The following SLK variants were observed in gnomAD, a reference collection of about 807,000 sequenced individuals.
The protein encoded by SLK is STE20-like serine/threonine-protein kinase.
A neutral mutation model predicts 147.7 loss-of-function variants in SLK; 67 were observed. The ratio of observed to expected loss-of-function variants is 0.45; its 90% CI spans 0.37 to 0.56. The LOEUF (loss-of-function observed/expected upper bound fraction) is 0.56. Ranked by LOEUF, SLK falls within the 20% of genes least tolerant of loss-of-function variation. SLK has a pLI of 0.00. For synonymous variants in SLK, 441 were observed against 475.0 expected (o/e 0.93, Z 0.93); for missense variants, 1,136 against 1,438.8 (o/e 0.79, Z 3.41).
rs751833332 is a variant in SLK, at chr10:104,006,128, C to G, written c.2604+93C>G. 4.6e-6 allele frequency: 6 copies of G among 1,316,866 alleles called. No individual in the cohort carries two copies. In the South Asian group the frequency reaches 5.5e-5, roughly 12 times the overall value. 81.6% of individuals were successfully genotyped at this position (1,316,866 alleles called of 1,614,324 possible). On this transcript the variant is annotated intron_variant, in intron 11 of 18. Transcript: ENST00000369755. ...CAGACAAACAAAAAAGGTTGTAGAA[C>G]TTGTTCTCTGATTGCCAGATTTCTC...
intron 15 of SLK, 152 bp from the exon 16 acceptor site, chr10:104,019,582 C>A: frequency 1.5e-6 from 1 of 673,712 alleles, no homozygotes; most frequent in Non-Finnish European, 2.6e-6. Context: ...TAACTTCTTA[C>A]AAGTTATTTT....
At chr10:104,001,227 T>C (rs1461150995) in intron 7 of SLK, among the ~76,000 whole-genome samples, 1 of 152,182 alleles carries the variant, frequency 6.6e-6, no homozygotes, top group African/African-American at 2.4e-5. Flanking sequence ...TGCTTCAGAT[T>C]CTTAAAAATG....
chr10:104,015,057 T>G (rs149244192), intron 13 of SLK, among the ~76,000 whole-genome samples: 314 of 152,312 alleles, frequency 2.1e-3, no homozygotes, highest in African/African-American at 7.2e-3. Flanking sequence ...AACATTAACA[T>G]TTTGTTTGTT....
At chr10:104,001,419 G>T in intron 7 of SLK, 25 bp from the exon 8 acceptor site, 1 of 1,596,904 alleles carries the variant, frequency 6.3e-7, no homozygotes, top group Non-Finnish European at 8.6e-7. Flanking sequence ...CAGTTGTTGA[G>T]TATGTTCTTT....
At chr10:103,981,268 T>A (rs1843938836) in intron 1 of SLK, among the ~76,000 whole-genome samples, 1 of 152,140 alleles carries the variant, frequency 6.6e-6, no homozygotes, top group African/African-American at 2.4e-5. Flanking sequence ...GATACATGAT[T>A]TGTAAATATT....
chr10:104,020,740 G>C, intron 17 of SLK, 127 bp downstream of exon 17: 1 of 978,636 alleles, frequency 1.0e-6, no homozygotes, highest in South Asian at 1.7e-5. Flanking sequence ...GAGAGGTTCT[G>C]TTTTTTGTAC....
rs756247880 is a variant in SLK, at chr10:104,003,212, G to A, written c.2034G>A (p.Gln678=). 1.9e-6 allele frequency: 3 copies of A among 1,612,554 alleles called. No homozygotes were observed. Among genetic ancestry groups the A allele is most frequent in the Non-Finnish European group, 2.5e-6 (3 of 1,179,574 alleles). The change falls in exon 9 of 19, where the codon CAG becomes CAA. Residue 678 remains glutamine (Q), a synonymous_variant. Coordinates refer to ENST00000369755, the MANE Select transcript of SLK (RefSeq NM_014720.4). The stretch of plus-strand genomic sequence containing the variant: ...AGGATGCTTCTAAAGTCACTACTCA[G>A]ATAGATAAAGAGAAAAAAGAAATTC... The part of the protein sequence containing the change: ...EVQDASKVTT[Q]IDKEKKEIPV...
intron 4 of SLK, among the ~76,000 whole-genome samples, chr10:103,997,777 T>C (rs1367254181): frequency 6.6e-6 from 1 of 152,134 alleles, no homozygotes; most frequent in Non-Finnish European, 1.5e-5. Context: ...GGCTCTTTTA[T>C]GTTTTTCATC....
chr10:104,025,095 C>T (rs1251956417), intron 18 of SLK, among the ~76,000 whole-genome samples: 2 of 152,156 alleles, frequency 1.3e-5, no homozygotes, highest in East Asian at 3.9e-4. Context: ...AAAAATGATT[C>T]TGATTTAAGT....
rs1408222970 is a variant in SLK, at chr10:104,001,522, G to C, written c.943G>C (p.Val315Leu). Residue 315 changes from valine to leucine, a missense_variant, in exon 8 of 19, where the codon GTT (valine) becomes CTT (leucine). Physicochemically the swap from Val to Leu is conservative, Grantham distance 32 (BLOSUM62 1). Coordinates refer to ENST00000369755, the MANE Select transcript of SLK (RefSeq NM_014720.4). Reference sequence around the variant, plus strand: ...GGCGAAGGCTGAAGTAACAGAAGAAGTTGAAGATGGCAAAGAGGAAGATGA... The same window carrying C: ...GGCGAAGGCTGAAGTAACAGAAGAACTTGAAGATGGCAAAGAGGAAGATGA... ...AEAKAEVTEE[V>L]EDGKEEDEEE... 1.9e-6 allele frequency: 3 copies of C among 1,613,988 alleles called. No homozygotes were observed. Among genetic ancestry groups the C allele is most frequent in the Non-Finnish European group, 8.5e-7 (1 of 1,179,908 alleles).
intron 11 of SLK, among the ~76,000 whole-genome samples, chr10:104,007,768 C>CAAATAAATAAAT (rs58270517): frequency 0.15 from 22,510 of 147,222 alleles, 1,876 homozygotes; most frequent in African/African-American, 0.18. Context: ...CCTATCTCTC[C>CAAATAAATAAAT]AAATAAATAA....
At chr10:104,018,097 A>G in intron 13 of SLK, 63 bp from the exon 14 acceptor site, 2 of 1,338,366 alleles carry the variant, frequency 1.5e-6, no homozygotes, top group South Asian at 1.3e-5. Context: ...ATACAGCCAT[A>G]TAGATAAATG....
At chr10:103,982,252 C>G (rs1843955781) in intron 1 of SLK, among the ~76,000 whole-genome samples, 1 of 152,120 alleles carries the variant, frequency 6.6e-6, no homozygotes, top group South Asian at 2.1e-4. Flanking sequence ...ATTTCCTCAG[C>G]TTCTTTATTA....
chr10:103,974,337 C>T (rs563175555), intron 1 of SLK, among the ~76,000 whole-genome samples: 3 of 151,822 alleles, frequency 2.0e-5, no homozygotes, highest in South Asian at 2.1e-4. Context: ...CTTGGCCGGG[C>T]GCGGTGGCTC....
At chr10:104,016,066 C>T (rs1844459103) in intron 13 of SLK, among the ~76,000 whole-genome samples, 1 of 152,096 alleles carries the variant, frequency 6.6e-6, no homozygotes, top group South Asian at 2.1e-4. Context: ...CGCTTGTAAT[C>T]CCAGCACTTT....
chr10:104,007,324 G>T (rs532595761), intron 11 of SLK, among the ~76,000 whole-genome samples: 1 of 152,022 alleles, frequency 6.6e-6, no homozygotes. Context: ...ACAAATTTTG[G>T]GTCGGGCGCA....
At position 104,002,720 on chromosome 10, in the gene SLK, G is replaced by C. The variant is rs754179738; in HGVS notation, c.1542G>C (p.Gln514His). The stretch of plus-strand genomic sequence containing the variant: ...CTGGAGAAAAAGAGGCAAATATTCA[G>C]GCAGTTGATAGTGAAGTTGGGCTTA... Reference protein sequence around the residue: ...QETGEKEANIQAVDSEVGLTK... With the variant: ...QETGEKEANIHAVDSEVGLTK... Residue 514 changes from glutamine (Q) to histidine (H), a missense_variant, in exon 9 of 19, where the codon CAG becomes CAC. Physicochemically the swap from Gln to His is conservative, Grantham distance 24. Coordinates refer to ENST00000369755, the MANE Select transcript of SLK (RefSeq NM_014720.4). 2 of 1,613,368 alleles carry C rather than the reference G, an allele frequency of 1.2e-6. No homozygotes were observed. Among genetic ancestry groups the C allele is most frequent in the South Asian group, 1.1e-5 (1 of 91,040 alleles).
At chr10:103,991,844 C>T (rs2476951) in intron 2 of SLK, among the ~76,000 whole-genome samples, 34,451 of 151,710 alleles carry the variant, frequency 0.23, 4,522 homozygotes, top group African/African-American at 0.36. Flanking sequence ...TCAGGGCTGT[C>T]GCAGAATGTT....
Position 104,026,370 on chromosome 10 carries a change from C to T in SLK, c.*650C>T, listed in dbSNP as rs919244118. The T allele has an allele frequency of 6.6e-6, 1 of 152,472 alleles. No individual in the cohort carries two copies. The allele number at this position is 152,472 out of a possible 1,614,324, so 9.4% of individuals were successfully genotyped here. A position where few individuals can be genotyped will look rare whatever the true frequency, so the allele number is the denominator to read the frequency against. On this transcript the variant is annotated 3_prime_UTR_variant, in exon 19 of 19. Transcript: ENST00000369755. ...CTAAAACACTAAATTTCAGTCAAGT[C>T]GTAAGTAGGATTTTCTTTTTGATCA... is the stretch of plus-strand genomic sequence containing the variant.
Sources: gnomAD v4.1 joint callset for allele counts (sites outside exome capture counted in the v4.1 genomes callset) on GRCh38, gnomAD v4.1.1 for gene constraint, MANE v1.5 for transcripts, NCBI Gene and HGNC (gene_info 2026-07-23, HGNC 2026-07-21) for gene names.